Variants in SLC4A9 observed in about 807,000 individuals in gnomAD.
The protein encoded by SLC4A9 is anion exchange protein 4.
A neutral mutation model predicts 103.2 loss-of-function variants in SLC4A9; 102 were observed. The ratio of observed to expected loss-of-function variants is 0.99; its 90% CI spans 0.84 to 1.17. The LOEUF (loss-of-function observed/expected upper bound fraction) is 1.17. Ranked by LOEUF, SLC4A9 falls within the 50% of genes most tolerant of loss-of-function variation. The probability of loss-of-function intolerance (pLI) is 0.00; values close to 1 mark genes in which losing one functional copy is unlikely to be tolerated. For missense variants in SLC4A9, 1,091 were observed against 1,193.7 expected (o/e 0.91, Z 1.27); for synonymous variants, 453 against 483.6 (o/e 0.94, Z 0.83).
intron 17 of SLC4A9, 108 bp downstream of exon 17, chr5:140,368,767 T>C (rs1768277222): frequency 1.2e-6 from 1 of 856,864 alleles, no homozygotes; most frequent in African/African-American, 1.7e-5. Flanking sequence ...CTCTGTTAAG[T>C]TTTCTCCATA....
chr5:140,364,261 G>A, intron 10 of SLC4A9, 74 bp downstream of exon 10: 1 of 1,580,904 alleles, frequency 6.3e-7, no homozygotes, highest in Non-Finnish European at 8.6e-7. Context: ...GTGAATAGGA[G>A]AGAGTGGGAG....
Position 140,367,715 on chromosome 5 carries a change from T to C in SLC4A9, c.2176-5T>C. 6.2e-7 allele frequency: 1 copy of C among 1,613,854 alleles called. No individual in the cohort carries two copies. ...CATCCTCATTGCCCCCACCACTACCTGCAGAAGGGAGCTGGCTTCCACCTG... is the reference window on the plus strand; with the variant it reads ...CATCCTCATTGCCCCCACCACTACCCGCAGAAGGGAGCTGGCTTCCACCTG... On this transcript the variant is annotated splice_region_variant and splice_polypyrimidine_tract_variant and intron_variant, in intron 15 of 21. Transcript: ENST00000506757.
Position 140,371,552 on chromosome 5 carries a change from C to T in SLC4A9, c.2598C>T (p.Ala866=), listed in dbSNP as rs1394921253. 17 of 1,613,940 alleles carry T rather than the reference C, an allele frequency of 1.1e-5. No homozygotes were observed. The highest frequency in any genetic ancestry group is 1.7e-5 in the Admixed American group (1 of 60,012). ...TGACCAGGGTCCACCTCTTCACAGC[C>T]ATCCAGCTTGCCTGTCTGGGGCTGC... ...VPLTRVHLFT[A]IQLACLGLLW... Residue 866 remains alanine, a synonymous_variant, in exon 19 of 22, where the codon GCC becomes GCT. Transcript: ENST00000506757.
chr5:140,364,258 GGAGA>G, intron 10 of SLC4A9, 71 bp downstream of exon 10: 2 of 1,579,556 alleles, frequency 1.3e-6, no homozygotes, highest in Non-Finnish European at 1.7e-6. Context: ...TGGGTGAATA[GGAGA>G]GAGTGGGAGC....
intron 17 of SLC4A9, among the ~76,000 whole-genome samples, chr5:140,369,871 G>A (rs527822470): frequency 1.0e-3 from 156 of 152,054 alleles, no homozygotes; most frequent in African/African-American, 3.6e-3. Context: ...GCATGGTTGT[G>A]TGCACCTGTA....
In SLC4A9 at chr5:140,362,158, G is replaced by A; in HGVS notation, c.703G>A (p.Val235Met). 6.5e-7 allele frequency: 1 copy of A among 1,546,324 alleles called. No homozygotes were observed. Among genetic ancestry groups the A allele is most frequent in the Non-Finnish European group, 8.7e-7 (1 of 1,154,000 alleles). The part of the protein sequence containing the change: ...NPVVLGSLTE[V>M]SLPSRFFCLL... ...TGTGGTACTGGGGTCCCTTACTGAG[G>A]TGTCCCTCCCAAGCAGGTGAGGCTA... The change falls in exon 5 of 22, where the codon GTG (valine) becomes ATG (methionine). Residue 235 changes from valine to methionine, a missense_variant. Physicochemically the swap from Val to Met is conservative, Grantham distance 21. Coordinates refer to ENST00000506757, the MANE Select transcript of SLC4A9 (RefSeq NM_031467.3).
In SLC4A9 at chr5:140,366,192, C is replaced by G; in HGVS notation, c.1941C>G (p.Ile647Met). 6.2e-7 allele frequency: 1 copy of G among 1,612,270 alleles called. No homozygotes were observed. The highest frequency in any genetic ancestry group is 1.1e-5 in the South Asian group (1 of 90,914). Reference protein sequence around the residue: ...GLSDFSSVLAILLGCGLDAFL... With the variant: ...GLSDFSSVLAMLLGCGLDAFL... ...GCGACTTCTCCTCAGTCCTGGCCAT[C>G]CTGCTCGGCTGTGGCCTTGATGCTT... Residue 647 changes from isoleucine (I) to methionine (M), a missense_variant, in exon 14 of 22, where the codon ATC becomes ATG. Coordinates refer to ENST00000506757, the MANE Select transcript of SLC4A9 (RefSeq NM_031467.3).
chr5:140,367,543 A>G lies in SLC4A9; in HGVS notation c.2137A>G (p.Thr713Ala). 3 of 1,603,758 alleles carry G rather than the reference A, an allele frequency of 1.9e-6. No individual in the cohort carries two copies. In the South Asian group the frequency reaches 3.4e-5, roughly 18 times the overall value. Residue 713 changes from threonine to alanine, a missense_variant, in exon 15 of 22, where the codon ACA becomes GCA. Transcript: ENST00000506757. ...SILIFMDQQITAVILNRMEYR... is the reference protein window; with the variant it reads ...SILIFMDQQIAAVILNRMEYR... ...CCTCATCTTCATGGACCAACAGATCACAGCAGTCATCCTCAACCGCATGGA... is the reference window on the plus strand; with the variant it reads ...CCTCATCTTCATGGACCAACAGATCGCAGCAGTCATCCTCAACCGCATGGA...
chr5:140,367,280 C>A, intron 14 of SLC4A9, 140 bp from the exon 15 acceptor site: 1 of 1,014,784 alleles, frequency 9.9e-7, no homozygotes, highest in Non-Finnish European at 1.4e-6. Context: ...ATGCTTTGAA[C>A]CAGCTATGCA....
chr5:140,371,486 A>G lies in SLC4A9; in HGVS notation c.2532A>G (p.Ala844=). 1 of 1,614,064 alleles carries G rather than the reference A, an allele frequency of 6.2e-7. No homozygotes were observed. The highest frequency in any genetic ancestry group is 8.5e-7 in the Non-Finnish European group (1 of 1,179,894). Residue 844 remains alanine, a synonymous_variant, in exon 19 of 22, where the codon GCA becomes GCG. Coordinates refer to ENST00000506757, the MANE Select transcript of SLC4A9 (RefSeq NM_031467.3). ...TNRVKLLLMP[A]KHQPDLLLLR... The stretch of plus-strand genomic sequence containing the variant: ...GGGTGAAGCTGTTGTTGATGCCAGC[A>G]AAACACCAGCCAGACCTGCTACTCT...
Position 140,371,574 on chromosome 5 carries a change from C to A in SLC4A9, c.2620C>A (p.Leu874Met). ...AGCCATCCAGCTTGCCTGTCTGGGG[C>A]TGCTTTGGATAATCAAGTCTACCCC... ...FTAIQLACLG[L>M]LWIIKSTPAA... The change falls in exon 19 of 22, where the codon CTG (leucine) becomes ATG (methionine). Residue 874 changes from leucine to methionine, a missense_variant. Coordinates refer to ENST00000506757, the MANE Select transcript of SLC4A9 (RefSeq NM_031467.3). 6.2e-7 allele frequency: 1 copy of A among 1,614,052 alleles called. No individual in the cohort carries two copies. The highest frequency in any genetic ancestry group is 8.5e-7 in the Non-Finnish European group (1 of 1,179,906).
chr5:140,373,670 T>C (rs982497297), intron 21 of SLC4A9, among the ~76,000 whole-genome samples: 2 of 152,200 alleles, frequency 1.3e-5, no homozygotes, highest in African/African-American at 4.8e-5. Flanking sequence ...TGCCAGCTAC[T>C]AGGGAGGCTG....
At chr5:140,361,989 TTC>T in intron 4 of SLC4A9, 26 bp from the exon 5 acceptor site, 2 of 1,613,766 alleles carry the variant, frequency 1.2e-6, no homozygotes, top group East Asian at 4.5e-5. Context: ...ACCTTTCATA[TTC>T]TGTGTCTCCT....
chr5:140,374,424 G>C (rs1239922599), intron 21 of SLC4A9, among the ~76,000 whole-genome samples: 2 of 151,512 alleles, frequency 1.3e-5, no homozygotes, highest in African/African-American at 2.4e-5. Flanking sequence ...GCTGGGTGTG[G>C]TGGCAGACAC....
At chr5:140,374,527 G>C (rs1293117712) in intron 21 of SLC4A9, among the ~76,000 whole-genome samples, 2 of 144,712 alleles carry the variant, frequency 1.4e-5, no homozygotes, top group Non-Finnish European at 3.0e-5. Flanking sequence ...TCCAGCCTGG[G>C]CGACAAGAGC....
rs978653919 is a variant in SLC4A9, at chr5:140,371,629, G to A, written c.2670+5G>A. Reference sequence around the variant, plus strand: ...GCCATCATCTTCCCCCTCATGGTAAGCTGAGGCAGGGTTGGGCTGTGTCCT... The same window carrying A: ...GCCATCATCTTCCCCCTCATGGTAAACTGAGGCAGGGTTGGGCTGTGTCCT... On this transcript the variant is annotated splice_donor_5th_base_variant and intron_variant, in intron 19 of 21. Coordinates refer to ENST00000506757, the MANE Select transcript of SLC4A9 (RefSeq NM_031467.3). 2 of 1,613,884 alleles carry A rather than the reference G, an allele frequency of 1.2e-6. No homozygotes were observed. The highest frequency in any genetic ancestry group is 2.7e-5 in the African/African-American group (2 of 74,934).
rs1479562907 is a variant in SLC4A9 at position 140,372,764 on chromosome 5, C to T, written c.2846C>T (p.Pro949Leu). The change falls in exon 21 of 22, where the codon CCA becomes CTA. Residue 949 changes from proline (P) to leucine (L), a missense_variant. Coordinates refer to ENST00000506757, the MANE Select transcript of SLC4A9 (RefSeq NM_031467.3). ...DSEDSELMYQ[P>L]KAPEINISVN ...CCACAGTCAGAGCTGATGTATCAGC[C>T]AAAGGCTCCAGAAATCAACATTTCT... is the stretch of plus-strand genomic sequence containing the variant. 6.3e-7 allele frequency: 1 copy of T among 1,580,678 alleles called. No individual in the cohort carries two copies. Among genetic ancestry groups the T allele is most frequent in the East Asian group, 2.3e-5 (1 of 43,888 alleles).
Position 140,363,341 on chromosome 5 carries a change from C to A in SLC4A9, c.963-98C>A. ...GCCATGGTTCCCTCGCCGGCAGAGA[C>A]AAGAGCAGCCGCTAGGGGGCAGGGC... On this transcript the variant is annotated intron_variant, in intron 7 of 21. Transcript: ENST00000506757. This position sits in a 1 kb window ranked among gnomAD's most constrained non-coding sequence, Gnocchi z 4.5. The A allele has an allele frequency of 8.4e-7, 1 of 1,189,140 alleles. No individual in the cohort carries two copies. The highest frequency in any genetic ancestry group is 1.2e-6 in the Non-Finnish European group (1 of 840,386). 73.7% of individuals were successfully genotyped at this position (1,189,140 alleles called of 1,614,324 possible).
rs756173633 is a variant in SLC4A9, at chr5:140,364,529, G to A, written c.1555G>A (p.Ala519Thr). 4.3e-6 allele frequency: 7 copies of A among 1,610,140 alleles called. No individual in the cohort carries two copies. In the South Asian group the frequency reaches 7.7e-5, roughly 18 times the overall value. The part of the protein sequence containing the change: ...ALISLIFIYD[A>T]VGKMLNLTHT... ...CATCAGCCTCATCTTCATCTACGAT[G>A]CTGTGGGCAAAATGCTGAACTTGAC... is the stretch of plus-strand genomic sequence containing the variant. The change falls in exon 11 of 22, where the codon GCT (alanine) becomes ACT (threonine). Residue 519 changes from alanine to threonine, a missense_variant. Coordinates refer to ENST00000506757, the MANE Select transcript of SLC4A9 (RefSeq NM_031467.3).
Sources: gnomAD v4.1 joint callset for allele counts (sites outside exome capture counted in the v4.1 genomes callset) on GRCh38, gnomAD v4.1.1 for gene constraint, Gnocchi (gnomAD v3.1) non-coding constraint, MANE v1.5 for transcripts, NCBI Gene and HGNC (gene_info 2026-07-23, HGNC 2026-07-21) for gene names.